CERS5: variants seen among roughly 807,000 people sequenced by gnomAD.
CERS5 encodes the protein LAG1 homolog, ceramide synthase 5.
A neutral mutation model predicts 58.9 loss-of-function variants in CERS5; 37 were observed. The ratio of observed to expected loss-of-function variants is 0.63; its 90% CI spans 0.48 to 0.83. CERS5 has a LOEUF of 0.83. CERS5 is among the 40% of genes least tolerant of loss of function. The pLI, the probability that CERS5 is intolerant of heterozygous loss-of-function variation, is 0.00. For missense variants in CERS5, 398 were observed against 489.3 expected (o/e 0.81, Z 1.76); for synonymous variants, 147 against 177.8 (o/e 0.83, Z 1.38).
At chr12:50,148,969 T>TGC (rs1555196283) in intron 1 of CERS5, among the ~76,000 whole-genome samples, 1,557 of 140,012 alleles carry the variant, frequency 0.011, 42 homozygotes, top group African/African-American at 0.039. Flanking sequence ...TGTGTGTGTG[T>TGC]GCGTGTAGAC....
At chr12:50,142,007 G>T in intron 4 of CERS5, 46 bp downstream of exon 4, 1 of 1,111,642 alleles carries the variant, frequency 9.0e-7, no homozygotes, top group Non-Finnish European at 1.4e-6. Context: ...TAGAGATCTA[G>T]GCATGATTAG....
At chr12:50,133,372 C>G (rs1951442368) in intron 9 of CERS5, 4 of 1,053,604 alleles carry the variant, frequency 3.8e-6, no homozygotes, top group Non-Finnish European at 4.6e-6. Flanking sequence ...TTCTTTCGCT[C>G]TTGGCATAAG....
chr12:50,144,630 T>C (rs1345350401), intron 1 of CERS5: 1 of 457,592 alleles, frequency 2.2e-6, no homozygotes, highest in East Asian at 3.4e-5. Flanking sequence ...CAAGAGATTA[T>C]GGAAATACTT....
chr12:50,148,946 A>ATGTGTGTG (rs1185465965), intron 1 of CERS5, among the ~76,000 whole-genome samples: 5 of 103,134 alleles, frequency 4.8e-5, no homozygotes, highest in African/African-American at 2.0e-4. Flanking sequence ...ATATATATAT[A>ATGTGTGTG]TGTGTGTGTG....
chr12:50,143,857 A>T (rs1952113548), intron 2 of CERS5, 95 bp downstream of exon 2: 1 of 778,364 alleles, frequency 1.3e-6, no homozygotes, highest in African/African-American at 1.7e-5. Context: ...ATCCCATCCT[A>T]TCCTTACCCT....
rs994717137 is a variant in CERS5 at position 50,165,977 on chromosome 12, T to G, written c.197+1124A>C. 1.5e-5 allele frequency: 7 copies of G among 453,264 alleles called. No individual in the cohort carries two copies. In the Admixed American group the frequency reaches 1.7e-4, roughly 11 times the overall value. 28.1% of individuals were successfully genotyped at this position (453,264 alleles called of 1,614,324 possible). ...AACATATGATCCATTCACTTAAAGG[T>G]GAAATCATGTGGTTGAACAAAGTAT... On this transcript the variant is annotated intron_variant, in intron 1 of 9. Coordinates refer to ENST00000317551, the MANE Select transcript of CERS5 (RefSeq NM_147190.5).
At chr12:50,162,654 A>G (rs968778840) in intron 1 of CERS5, among the ~76,000 whole-genome samples, 4 of 150,208 alleles carry the variant, frequency 2.7e-5, no homozygotes, top group Non-Finnish European at 5.9e-5. Flanking sequence ...CCTAAGCTGG[A>G]GTGCAGTGGT....
rs200836439 is a variant in CERS5 at position 50,162,595 on chromosome 12, ATCTC to A, written c.197+4502_197+4505del. Among the ~76,000 whole-genome samples the A allele has an allele frequency of 1.2e-3, 177 of 150,454 alleles. 1 individual carries two copies. The South Asian group carries it at 0.034, about 29-fold the overall frequency. On this transcript the variant is annotated intron_variant, in intron 1 of 9. Coordinates refer to ENST00000317551, the MANE Select transcript of CERS5 (RefSeq NM_147190.5). ...ACTAATTGTCCCAATATACCTCTTT[ATCTC>A]TCTCTCTCTCTTTTTTTTTTTTGTG...
rs1951763299 is a variant in CERS5 at position 50,137,759 on chromosome 12, A to G, written c.605T>C (p.Met202Thr). The G allele has an allele frequency of 6.2e-7, 1 of 1,609,336 alleles. No homozygotes were observed. The highest frequency in any genetic ancestry group is 8.5e-7 in the Non-Finnish European group (1 of 1,176,194). The change falls in exon 6 of 10, where the codon ATG (methionine) becomes ACG (threonine). Residue 202 changes from methionine (M) to threonine (T), a missense_variant. Met to Thr is a moderately conservative substitution (Grantham distance 81). Transcript: ENST00000317551. The stretch of plus-strand genomic sequence containing the variant: ...TTTAATGTCTGTAAACTGAGAAAAC[A>G]TAAGGGACCAATAGAAGGCCAATTC... The part of the protein sequence containing the change: ...IMELAFYWSL[M>T]FSQFTDIKRK...
At chr12:50,137,934 C>T (rs1298263825) in intron 5 of CERS5, 114 bp from the exon 6 acceptor site, 1 of 686,514 alleles carries the variant, frequency 1.5e-6, no homozygotes, top group East Asian at 2.8e-5. Flanking sequence ...ATCTCTCCTC[C>T]CCATTATCTG....
At chr12:50,165,191 A>G (rs12824125) in intron 1 of CERS5, 44,407 of 152,030 alleles carry the variant, frequency 0.29, 7,590 homozygotes, top group Middle Eastern at 0.4. Context: ...AGGCCGAGGC[A>G]GGCGTATTAC....
intron 1 of CERS5, among the ~76,000 whole-genome samples, chr12:50,150,985 C>T (rs1937896103): frequency 6.6e-6 from 1 of 152,200 alleles, no homozygotes; most frequent in Non-Finnish European, 1.5e-5. Flanking sequence ...TAGACCCACT[C>T]TTTACTGATC....
rs1299456176 is a variant in CERS5 at position 50,129,509 on chromosome 12, T to C, written c.*1036A>G. 5 of 150,106 alleles carry C rather than the reference T, an allele frequency of 3.3e-5. No homozygotes were observed. Among genetic ancestry groups the C allele is most frequent in the Non-Finnish European group, 7.4e-5 (5 of 67,398 alleles). 9.3% of individuals were successfully genotyped at this position (150,106 alleles called of 1,614,324 possible). Reference sequence around the variant, plus strand: ...ACTAAAAGTATGACCTAATTTTTTTTTTTTTTTTTTTTTTTAGACAGAGTC... The same window carrying C: ...ACTAAAAGTATGACCTAATTTTTTTCTTTTTTTTTTTTTTTAGACAGAGTC... On this transcript the variant is annotated 3_prime_UTR_variant, in exon 10 of 10. Coordinates refer to ENST00000317551, the MANE Select transcript of CERS5 (RefSeq NM_147190.5).
intron 6 of CERS5, 126 bp from the exon 7 acceptor site, chr12:50,136,195 G>A (rs1006722366): frequency 2.0e-5 from 16 of 808,998 alleles, no homozygotes; most frequent in Admixed American, 7.3e-5. Flanking sequence ...TCCATTGGCC[G>A]GGCGAGGTGG....
chr12:50,159,118 G>A (rs779267172), intron 1 of CERS5, among the ~76,000 whole-genome samples: 135 of 152,218 alleles, frequency 8.9e-4, no homozygotes, highest in Non-Finnish European at 1.6e-3. Flanking sequence ...TCAGGAGATA[G>A]AGACCATCCT....
intron 1 of CERS5, among the ~76,000 whole-genome samples, chr12:50,149,009 A>T (rs1952510641): frequency 6.7e-6 from 1 of 148,968 alleles, no homozygotes; most frequent in Non-Finnish European, 1.5e-5. Flanking sequence ...ACATGTAGAA[A>T]ACATGTACAT....
chr12:50,165,202 G>C (rs914855993), intron 1 of CERS5: 1 of 152,106 alleles, frequency 6.6e-6, no homozygotes, highest in Non-Finnish European at 1.5e-5. Flanking sequence ...GGCGTATTAC[G>C]AGGTCAGGAG....
chr12:50,161,592 C>T (rs1375974589), intron 1 of CERS5, among the ~76,000 whole-genome samples: 1 of 151,930 alleles, frequency 6.6e-6, no homozygotes. Context: ...GCCTGGCCAA[C>T]ATGGCAAAAC....
chr12:50,151,504 G>A (rs752243087), intron 1 of CERS5, among the ~76,000 whole-genome samples: 10 of 152,148 alleles, frequency 6.6e-5, no homozygotes, highest in Non-Finnish European at 1.0e-4. Context: ...GGTAAGCACT[G>A]CTAGTTGAGT....
Sources: allele counts gnomAD v4.1 joint callset (sites outside exome capture counted in the v4.1 genomes callset), GRCh38; gene constraint gnomAD v4.1.1; transcripts MANE v1.5; gene names NCBI Gene and HGNC (gene_info 2026-07-23, HGNC 2026-07-21).